THSD7A: variants seen among roughly 807,000 people sequenced by gnomAD.
The protein encoded by THSD7A is thrombospondin type 1 domain containing 7A.
Under a neutral mutation model 231.3 loss-of-function variants are expected in THSD7A, and 96 were observed. That is an observed-to-expected ratio of 0.41 (90% CI 0.35 to 0.49). THSD7A has a LOEUF of 0.49. THSD7A is among the 20% of genes least tolerant of loss of function. The probability of loss-of-function intolerance (pLI) is 0.05; values close to 1 mark genes in which losing one functional copy is unlikely to be tolerated. For missense variants in THSD7A, 2,290 were observed against 2,070.2 expected (o/e 1.11, Z -2.06); for synonymous variants, 940 against 743.3 (o/e 1.26, Z -4.30).
At chr7:11,563,519 C>G (rs993598709) in intron 4 of THSD7A, among the ~76,000 whole-genome samples, 12 of 152,060 alleles carry the variant, frequency 7.9e-5, no homozygotes, top group African/African-American at 2.9e-4. Context: ...ACCACCATGT[C>G]TGGCTGATTT....
intron 4 of THSD7A, among the ~76,000 whole-genome samples, chr7:11,567,303 G>A (rs551907508): frequency 1.3e-5 from 2 of 152,190 alleles, no homozygotes; most frequent in Middle Eastern, 3.4e-3. Context: ...GCAGAGTAAA[G>A]GGGGAAGAGC....
At chr7:11,587,595 A>G (rs1779964640) in intron 4 of THSD7A, among the ~76,000 whole-genome samples, 1 of 152,206 alleles carries the variant, frequency 6.6e-6, no homozygotes, top group Non-Finnish European at 1.5e-5. Flanking sequence ...CTAAATTGTG[A>G]ATATTTTACT....
At chr7:11,663,064 A>G (rs1782991501) in intron 1 of THSD7A, among the ~76,000 whole-genome samples, 1 of 151,364 alleles carries the variant, frequency 6.6e-6, no homozygotes, top group Non-Finnish European at 1.5e-5. Context: ...CTAAGAGTAA[A>G]AACTTAATTA....
At chr7:11,739,277 C>T (rs993679249) in intron 1 of THSD7A, among the ~76,000 whole-genome samples, 1 of 151,754 alleles carries the variant, frequency 6.6e-6, no homozygotes, top group Admixed American at 6.6e-5. Context: ...TGAATAAGAG[C>T]CTTGAAATAT....
intron 4 of THSD7A, among the ~76,000 whole-genome samples, chr7:11,584,714 A>G (rs1203791397): frequency 6.6e-6 from 1 of 152,208 alleles, no homozygotes. Context: ...CTATATTTAG[A>G]AAAGATAAAA....
chr7:11,704,675 G>C (rs372077494), intron 1 of THSD7A, among the ~76,000 whole-genome samples: 11 of 150,890 alleles, frequency 7.3e-5, no homozygotes, highest in African/African-American at 2.4e-4. Context: ...CGTAACCTGA[G>C]GCTAACCTGG....
intron 1 of THSD7A, among the ~76,000 whole-genome samples, chr7:11,747,006 A>T (rs10245735): frequency 0.043 from 6,521 of 151,954 alleles, 474 homozygotes; most frequent in African/African-American, 0.15. Flanking sequence ...ACAAAGTAAT[A>T]TGGAATAAAA....
intron 2 of THSD7A, among the ~76,000 whole-genome samples, chr7:11,618,508 G>A (rs1781187992): frequency 6.6e-6 from 1 of 152,080 alleles, no homozygotes; most frequent in South Asian, 2.1e-4. Flanking sequence ...GATGTAAGAA[G>A]GAGAAGAATA....
Position 11,541,449 on chromosome 7 carries a change from C to T in THSD7A, c.1792G>A (p.Val598Ile), listed in dbSNP as rs1323647020. Residue 598 changes from valine (V) to isoleucine (I), a missense_variant, in exon 6 of 28, where the codon GTT (valine) becomes ATT (isoleucine). Transcript: ENST00000423059. ...CTGTTGATGCACACAACCTCTTGAACTTGCGTGCCTGGACCACACTCCTTT... is the reference window on the plus strand; with the variant it reads ...CTGTTGATGCACACAACCTCTTGAATTTGCGTGCCTGGACCACACTCCTTT... ...NGKECGPGTQ[V>I]QEVVCINSDG... 6.2e-7 allele frequency: 1 copy of T among 1,613,956 alleles called. No homozygotes were observed. Among genetic ancestry groups the T allele is most frequent in the Non-Finnish European group, 8.5e-7 (1 of 1,179,900 alleles).
chr7:11,734,724 T>A (rs896855904), intron 1 of THSD7A, among the ~76,000 whole-genome samples: 2 of 151,866 alleles, frequency 1.3e-5, no homozygotes, highest in African/African-American at 4.8e-5. Flanking sequence ...CTAAAGAAAA[T>A]TTTTTTCCCC....
At chr7:11,754,405 T>C (rs1562530778) in intron 1 of THSD7A, among the ~76,000 whole-genome samples, 1 of 152,016 alleles carries the variant, frequency 6.6e-6, no homozygotes, top group Non-Finnish European at 1.5e-5. Flanking sequence ...TGGGACTTAG[T>C]AATTGGTAGA....
chr7:11,412,918 G>A (rs1783834306), intron 17 of THSD7A, 118 bp from the exon 18 acceptor site: 1 of 1,134,738 alleles, frequency 8.8e-7, no homozygotes, highest in Admixed American at 2.4e-5. Context: ...ACTCAGAAAA[G>A]TCAGTCAACC....
chr7:11,808,934 C>G (rs1372104759), intron 1 of THSD7A, among the ~76,000 whole-genome samples: 1 of 151,970 alleles, frequency 6.6e-6, no homozygotes, highest in Non-Finnish European at 1.5e-5. Flanking sequence ...TTAAACCATA[C>G]ATATAGTAGA....
intron 1 of THSD7A, among the ~76,000 whole-genome samples, chr7:11,733,739 T>C (rs1781814450): frequency 6.6e-6 from 1 of 151,868 alleles, no homozygotes; most frequent in African/African-American, 2.4e-5. Flanking sequence ...GATAGCTCCA[T>C]AGAAGGCCGA....
chr7:11,628,082 A>C (rs1469280459), intron 2 of THSD7A, among the ~76,000 whole-genome samples: 1 of 152,110 alleles, frequency 6.6e-6, no homozygotes, highest in Non-Finnish European at 1.5e-5. Flanking sequence ...GTGATTTTAA[A>C]ATGTATGCAA....
chr7:11,757,627 A>G (rs141380569), intron 1 of THSD7A, among the ~76,000 whole-genome samples: 2 of 152,112 alleles, frequency 1.3e-5, no homozygotes, highest in African/African-American at 4.8e-5. Context: ...AAACTCCCCA[A>G]AATGAGTAAG....
chr7:11,477,431 C>G (rs1203687605), intron 7 of THSD7A, among the ~76,000 whole-genome samples: 1 of 152,082 alleles, frequency 6.6e-6, no homozygotes, highest in African/African-American at 2.4e-5. Flanking sequence ...ATTGATAATG[C>G]TAACTTTGGT....
At chr7:11,775,969 TATTATA>T (rs1333898016) in intron 1 of THSD7A, among the ~76,000 whole-genome samples, 3 of 152,332 alleles carry the variant, frequency 2.0e-5, no homozygotes, top group South Asian at 2.1e-4. Flanking sequence ...ATGCCCTCAC[TATTATA>T]ATTATAAAGA....
intron 4 of THSD7A, among the ~76,000 whole-genome samples, chr7:11,575,007 C>A (rs569988898): frequency 2.5e-4 from 38 of 152,194 alleles, no homozygotes; most frequent in African/African-American, 8.7e-4. Flanking sequence ...TAGCTATATT[C>A]CTTAAGAAAA....
Sources: gnomAD v4.1 joint callset for allele counts (sites outside exome capture counted in the v4.1 genomes callset) on GRCh38, gnomAD v4.1.1 for gene constraint, MANE v1.5 for transcripts, NCBI Gene and HGNC (gene_info 2026-07-23, HGNC 2026-07-21) for gene names.